The following BANP variants were observed in gnomAD, a reference collection of about 807,000 sequenced individuals.
BANP encodes the protein BTG3 associated nuclear protein.
In BANP, 11 loss-of-function variants were observed where a neutral mutation model predicts 68.1. The observed-to-expected ratio is 0.16, with a 90% CI of 0.10 to 0.27. The LOEUF is 0.27. Among genes scored for constraint, BANP ranks in the 10% least tolerant of loss-of-function variants. BANP has a pLI of 1.00. For synonymous variants in BANP, 329 were observed against 303.2 expected, an observed-to-expected ratio of 1.09 and a Z score of -0.88; for missense variants, 504 against 722.7, an observed-to-expected ratio of 0.70 and a Z score of 3.47.
Position 87,999,611 on chromosome 16 carries a change from C to T in BANP, c.363-4684C>T, listed in dbSNP as rs1469007594. Among the ~76,000 whole-genome samples, 3 of 64,506 alleles carry T rather than the reference C, an allele frequency of 4.7e-5. 1 individual carries two copies. Among genetic ancestry groups the T allele is most frequent in the Non-Finnish European group, 6.3e-5 (2 of 31,512 alleles). 42.3% of individuals were successfully genotyped at this position (64,506 alleles called of 152,430 possible). A position where few individuals can be genotyped will look rare whatever the true frequency, so the allele number is the denominator to read the frequency against. On this transcript the variant is annotated intron_variant, in intron 4 of 13. Coordinates refer to ENST00000682872, the MANE Select transcript of BANP (RefSeq NM_001386991.1). ...TTCCAGACGCGTCTCCATACACGCA[C>T]GTGCGCGGCTGTACTTACCTGTCCT...
intron 1 of BANP, among the ~76,000 whole-genome samples, chr16:87,973,064 T>C (rs2061406083): frequency 6.6e-6 from 1 of 152,076 alleles, no homozygotes; most frequent in Non-Finnish European, 1.5e-5. Context: ...AGGAATATGC[T>C]GTCACCTCGT....
intron 4 of BANP, among the ~76,000 whole-genome samples, chr16:87,991,008 T>C (rs1297543773): frequency 1.3e-5 from 2 of 152,188 alleles, no homozygotes; most frequent in Non-Finnish European, 2.9e-5. Context: ...ATGATCTGCC[T>C]GCCTCGGCCT....
rs183939617 is a variant in BANP at position 88,059,949 on chromosome 16, C to A, written c.1312-5318C>A. On this transcript the variant is annotated intron_variant, in intron 11 of 13. Coordinates refer to ENST00000682872, the MANE Select transcript of BANP (RefSeq NM_001386991.1). ...TAGGCCCCAGACCTGCACACACACACCCCAGGAGGGCTGAGGTTGGCACAG... is the reference window on the plus strand; with the variant it reads ...TAGGCCCCAGACCTGCACACACACAACCCAGGAGGGCTGAGGTTGGCACAG... Among the ~76,000 whole-genome samples, 876 of 152,330 alleles carry A rather than the reference C, an allele frequency of 5.8e-3. 24 individuals are homozygous for A. The highest frequency in any genetic ancestry group is 1.1e-3 in the Non-Finnish European group (72 of 68,024).
At chr16:88,070,944 T>G (rs1017322993) in intron 12 of BANP, 1 of 154,918 alleles carries the variant, frequency 6.5e-6, no homozygotes, top group Admixed American at 6.4e-5. Flanking sequence ...AACATAACTA[T>G]TTTTAAAAGC....
intron 11 of BANP, among the ~76,000 whole-genome samples, chr16:88,056,668 C>T (rs570284398): frequency 1.3e-5 from 2 of 152,302 alleles, no homozygotes; most frequent in African/African-American, 4.8e-5. Context: ...TTTGTTTAGC[C>T]CCGCATCAGA....
intron 4 of BANP, among the ~76,000 whole-genome samples, chr16:87,991,102 A>G (rs2152496273): frequency 6.6e-6 from 1 of 152,314 alleles, no homozygotes; most frequent in East Asian, 1.9e-4. Context: ...CACCCTCTAC[A>G]TGCTAGGGCT....
At chr16:88,068,967 C>T (rs1191257673) in intron 12 of BANP, among the ~76,000 whole-genome samples, 2 of 151,980 alleles carry the variant, frequency 1.3e-5, no homozygotes, top group Non-Finnish European at 2.9e-5. Flanking sequence ...CCTGTCCGTG[C>T]ACCCAGCCCA....
At chr16:88,069,234 G>A (rs543634850) in intron 12 of BANP, among the ~76,000 whole-genome samples, 30 of 152,336 alleles carry the variant, frequency 2.0e-4, no homozygotes, top group African/African-American at 7.0e-4. Flanking sequence ...ACTCCTCTCC[G>A]AGTTTATTTC....
At position 88,071,964 on chromosome 16, in the gene BANP, G is replaced by A. The variant is rs2152921478; in HGVS notation, c.1378-105G>A. 1 of 1,455,882 alleles carries A rather than the reference G, an allele frequency of 6.9e-7. No individual in the cohort carries two copies. The highest frequency in any genetic ancestry group is 9.3e-7 in the Non-Finnish European group (1 of 1,076,480). 90.2% of individuals were successfully genotyped at this position (1,455,882 alleles called of 1,614,324 possible). A position where few individuals can be genotyped will look rare whatever the true frequency, so the allele number is the denominator to read the frequency against. On this transcript the variant is annotated intron_variant, in intron 12 of 13. Coordinates refer to ENST00000682872, the MANE Select transcript of BANP (RefSeq NM_001386991.1). The surrounding 1 kb of genome is among the most constrained non-coding windows in gnomAD (Gnocchi z 6.5). The stretch of plus-strand genomic sequence containing the variant: ...TGAGGCCGTGTCCCTGCCGCTCAGG[G>A]GACAGCACGTGTGGGCTGGGGTCTG...
chr16:88,056,329 G>A (rs138695729), intron 11 of BANP, among the ~76,000 whole-genome samples: 5 of 152,334 alleles, frequency 3.3e-5, no homozygotes, highest in Non-Finnish European at 5.9e-5. Context: ...GTACTAATTT[G>A]AGGACTATCA....
chr16:87,970,050 G>A (rs1205735106), intron 1 of BANP: 1 of 152,090 alleles, frequency 6.6e-6, no homozygotes, highest in Non-Finnish European at 1.5e-5. Context: ...TGGGATTACA[G>A]GCATGTGCCA....
chr16:88,041,416 T>C (rs1397747307), intron 11 of BANP, among the ~76,000 whole-genome samples: 1 of 152,176 alleles, frequency 6.6e-6, no homozygotes, highest in Non-Finnish European at 1.5e-5. Flanking sequence ...ACCATTCTTT[T>C]TGAGTCATGT....
At position 87,975,091 on chromosome 16, in the gene BANP, TGACC is replaced by T. The variant is rs2061772939; in HGVS notation, c.-23_-20del. ...CACTGTGAGTTGAACTCTTTCGTGTTGACCGGCCACTCTCCGTGCTCTGGATGAT... is the reference window on the plus strand; with the variant it reads ...CACTGTGAGTTGAACTCTTTCGTGTTGGCCACTCTCCGTGCTCTGGATGAT... On this transcript the variant is annotated 5_prime_UTR_variant, in exon 2 of 14. Transcript: ENST00000682872. 1 of 1,591,348 alleles carries T rather than the reference TGACC, an allele frequency of 6.3e-7. No homozygotes were observed. Among genetic ancestry groups the T allele is most frequent in the African/African-American group, 1.4e-5 (1 of 72,370 alleles).
intron 6 of BANP, among the ~76,000 whole-genome samples, chr16:88,012,596 G>A (rs1214969598): frequency 1.3e-5 from 2 of 152,214 alleles, no homozygotes; most frequent in Non-Finnish European, 2.9e-5. Flanking sequence ...TGTGACTGCA[G>A]GGGACTAACG....
chr16:87,997,672 A>G (rs934341552), intron 4 of BANP, among the ~76,000 whole-genome samples: 1 of 150,724 alleles, frequency 6.6e-6, no homozygotes, highest in African/African-American at 2.5e-5. Flanking sequence ...TGGGAGTGAG[A>G]CCATGTGTTC....
At chr16:88,055,609 G>T (rs1033048018) in intron 11 of BANP, among the ~76,000 whole-genome samples, 12 of 152,172 alleles carry the variant, frequency 7.9e-5, no homozygotes, top group Admixed American at 3.9e-4. Context: ...AACATTTTAC[G>T]TGTAGGATTT....
chr16:87,992,705 A>G (rs1330840822), intron 4 of BANP, among the ~76,000 whole-genome samples: 1 of 151,966 alleles, frequency 6.6e-6, no homozygotes, highest in East Asian at 1.9e-4. Context: ...GGGGCAGGAG[A>G]ATCACTTGAA....
Position 88,004,759 on chromosome 16 carries a change from G to A in BANP, c.479+348G>A, listed in dbSNP as rs887503463. ...CCTCACGTCTGTCTGTGCAGAGCGTGTCAGGCAAACAGACGCCCTCTCCCA... is the reference window on the plus strand; with the variant it reads ...CCTCACGTCTGTCTGTGCAGAGCGTATCAGGCAAACAGACGCCCTCTCCCA... On this transcript the variant is annotated intron_variant, in intron 5 of 13. Transcript: ENST00000682872. This position sits in a 1 kb window ranked among gnomAD's most constrained non-coding sequence, Gnocchi z 7.0. Among the ~76,000 whole-genome samples, 1 of 152,238 alleles carries A rather than the reference G, an allele frequency of 6.6e-6. No individual in the cohort carries two copies. The highest frequency in any genetic ancestry group is 2.4e-5 in the African/African-American group (1 of 41,454).
intron 8 of BANP, among the ~76,000 whole-genome samples, chr16:88,029,180 G>A (rs1476126728): frequency 6.6e-6 from 1 of 151,946 alleles, no homozygotes; most frequent in African/African-American, 2.4e-5. Flanking sequence ...GGTGGCGCAT[G>A]CCTCTAATCC....
Sources: allele counts gnomAD v4.1 joint callset (sites outside exome capture counted in the v4.1 genomes callset), GRCh38; gene constraint gnomAD v4.1.1; non-coding constraint Gnocchi (gnomAD v3.1); transcripts MANE v1.5; gene names NCBI Gene and HGNC (gene_info 2026-07-23, HGNC 2026-07-21).